The following ADAMTSL1 variants were observed in gnomAD, a reference collection of about 807,000 sequenced individuals.
The protein encoded by ADAMTSL1 is ADAMTS-like protein 1.
ADAMTSL1 carries 126 observed loss-of-function variants against 201.8 expected under a neutral mutation model. The ratio of observed to expected loss-of-function variants is 0.62; its 90% CI spans 0.54 to 0.72. ADAMTSL1 has a LOEUF of 0.72. Among genes scored for constraint, ADAMTSL1 ranks in the 30% least tolerant of loss-of-function variants. The pLI is 0.00. For missense variants in ADAMTSL1, 2,679 were observed against 2,277.8 expected, an observed-to-expected ratio of 1.18 and a Z score of -3.59; for synonymous variants, 1,121 against 903.4, an observed-to-expected ratio of 1.24 and a Z score of -4.32.
At chr9:18,158,506 T>C (rs1339583294) in intron 1 of ADAMTSL1, among the ~76,000 whole-genome samples, 1 of 151,938 alleles carries the variant, frequency 6.6e-6, no homozygotes, top group African/African-American at 2.4e-5. Context: ...CTCATTAGAA[T>C]AGTCCTACCA....
At chr9:18,336,402 G>T (rs1484889166) in intron 2 of ADAMTSL1, among the ~76,000 whole-genome samples, 1 of 151,708 alleles carries the variant, frequency 6.6e-6, no homozygotes, top group African/African-American at 2.4e-5. Flanking sequence ...AAAAAAAAGT[G>T]ATCTGAATAT....
chr9:18,616,770 C>T (rs1391844318), intron 4 of ADAMTSL1, among the ~76,000 whole-genome samples: 1 of 152,096 alleles, frequency 6.6e-6, no homozygotes, highest in African/African-American at 2.4e-5. Flanking sequence ...TGCCTTTTTG[C>T]TCCATTCACT....
intron 2 of ADAMTSL1, among the ~76,000 whole-genome samples, chr9:18,371,231 G>T (rs186784195): frequency 6.6e-6 from 1 of 151,968 alleles, no homozygotes; most frequent in Admixed American, 6.6e-5. Context: ...ACTCTGACCT[G>T]GTTTAAAGAT....
chr9:18,861,692 T>C (rs1827225155), intron 23 of ADAMTSL1, among the ~76,000 whole-genome samples: 1 of 152,240 alleles, frequency 6.6e-6, no homozygotes, highest in Non-Finnish European at 1.5e-5. Context: ...TGTTTCTTTA[T>C]AGGACCTATC....
chr9:18,770,916 A>T, intron 17 of ADAMTSL1, 135 bp downstream of exon 17: 1 of 989,556 alleles, frequency 1.0e-6, no homozygotes, highest in Non-Finnish European at 1.4e-6. Flanking sequence ...TTGTAACCAT[A>T]TATACCGTAG....
At chr9:17,964,212 G>T (rs544923977) in intron 1 of ADAMTSL1, among the ~76,000 whole-genome samples, 1 of 152,268 alleles carries the variant, frequency 6.6e-6, no homozygotes, top group South Asian at 2.1e-4. Flanking sequence ...GGAACACCAT[G>T]TGCTCTGTGT....
chr9:18,609,072 C>T (rs1825211215), intron 4 of ADAMTSL1, among the ~76,000 whole-genome samples: 2 of 152,132 alleles, frequency 1.3e-5, no homozygotes, highest in South Asian at 2.1e-4. Context: ...TGTCCCAGTC[C>T]CTGAAAATAT....
intron 2 of ADAMTSL1, among the ~76,000 whole-genome samples, chr9:18,318,598 G>A (rs1225989164): frequency 6.6e-6 from 1 of 152,178 alleles, no homozygotes. Context: ...TTCCTGACCA[G>A]AGGAGAGAAG....
At chr9:18,897,795 C>G (rs545089561) in intron 26 of ADAMTSL1, among the ~76,000 whole-genome samples, 1 of 152,336 alleles carries the variant, frequency 6.6e-6, no homozygotes, top group East Asian at 1.9e-4. Context: ...AGTGCCTCTT[C>G]TCCTCTAAAT....
intron 7 of ADAMTSL1, among the ~76,000 whole-genome samples, chr9:18,653,808 A>C (rs1587811183): frequency 6.6e-6 from 1 of 152,284 alleles, no homozygotes; most frequent in South Asian, 2.1e-4. Flanking sequence ...CCAACTGTTA[A>C]AATTATCAGG....
At chr9:18,849,747 T>G (rs1826360727) in intron 23 of ADAMTSL1, among the ~76,000 whole-genome samples, 1 of 152,246 alleles carries the variant, frequency 6.6e-6, no homozygotes, top group African/African-American at 2.4e-5. Context: ...AGGAAAATGC[T>G]TTTGATTTCC....
intron 19 of ADAMTSL1, among the ~76,000 whole-genome samples, chr9:18,790,456 T>C (rs1365914297): frequency 6.6e-6 from 1 of 152,184 alleles, no homozygotes; most frequent in African/African-American, 2.4e-5. Context: ...GCCAACCTAC[T>C]CACAGAACTT....
At chr9:18,846,339 A>G (rs914940541) in intron 23 of ADAMTSL1, among the ~76,000 whole-genome samples, 2 of 152,180 alleles carry the variant, frequency 1.3e-5, no homozygotes, top group Non-Finnish European at 2.9e-5. Flanking sequence ...TTGAGAAACC[A>G]ATGTTTGAGC....
At chr9:17,951,385 T>A (rs926252351) in intron 1 of ADAMTSL1, among the ~76,000 whole-genome samples, 46 of 152,276 alleles carry the variant, frequency 3.0e-4, no homozygotes, top group Admixed American at 3.3e-4. Context: ...CAATTTTTTT[T>A]AAAATTTTCT....
At chr9:18,328,626 G>A (rs540027099) in intron 2 of ADAMTSL1, among the ~76,000 whole-genome samples, 3 of 152,324 alleles carry the variant, frequency 2.0e-5, no homozygotes, top group African/African-American at 7.2e-5. Context: ...GGCACTAAAA[G>A]ATCATGCCTT....
At chr9:18,048,500 T>C (rs1821775138) in intron 1 of ADAMTSL1, among the ~76,000 whole-genome samples, 1 of 152,158 alleles carries the variant, frequency 6.6e-6, no homozygotes, top group African/African-American at 2.4e-5. Context: ...ATACCATATA[T>C]GTAAGATGTA....
intron 3 of ADAMTSL1, among the ~76,000 whole-genome samples, chr9:18,545,863 C>A (rs1820436859): frequency 6.6e-6 from 1 of 152,192 alleles, no homozygotes; most frequent in East Asian, 1.9e-4. Context: ...AGGTTGCTAA[C>A]GTGCAAATAC....
chr9:18,659,345 C>T (rs543074985), intron 8 of ADAMTSL1, among the ~76,000 whole-genome samples: 2 of 152,328 alleles, frequency 1.3e-5, no homozygotes, highest in East Asian at 3.9e-4. Context: ...TGGATTTTAG[C>T]TTAAAAGAAG....
intron 1 of ADAMTSL1, among the ~76,000 whole-genome samples, chr9:18,101,973 T>C (rs1824544517): frequency 6.6e-6 from 1 of 152,198 alleles, no homozygotes; most frequent in Non-Finnish European, 1.5e-5. Flanking sequence ...AAACTTACTG[T>C]ATTCAGGGCA....
Sources: allele counts gnomAD v4.1 joint callset (sites outside exome capture counted in the v4.1 genomes callset), GRCh38; gene constraint gnomAD v4.1.1; transcripts MANE v1.5; gene names NCBI Gene and HGNC (gene_info 2026-07-23, HGNC 2026-07-21).